TACC3: variants seen among roughly 807,000 people sequenced by gnomAD.
The protein encoded by TACC3 is transforming acidic coiled-coil-containing protein 3.
TACC3 carries 52 observed loss-of-function variants against 86.0 expected under a neutral mutation model. That is an observed-to-expected ratio of 0.60 (90% CI 0.48 to 0.76). TACC3 has a LOEUF of 0.76. Ranked by LOEUF, TACC3 falls within the 30% of genes least tolerant of loss-of-function variation. The probability of loss-of-function intolerance (pLI) is 0.00; values close to 1 mark genes in which losing one functional copy is unlikely to be tolerated. For synonymous variants in TACC3, 512 were observed against 430.0 expected, an observed-to-expected ratio of 1.19 and a Z score of -2.36; for missense variants, 1,120 against 1,070.4, an observed-to-expected ratio of 1.05 and a Z score of -0.65.
rs114300145 is a variant in TACC3 at position 1,732,694 on chromosome 4, C to T, written c.1591+1393C>T. Among the ~76,000 whole-genome samples the T allele has an allele frequency of 7.0e-3, 1,064 of 152,322 alleles. 11 individuals are homozygous for T. The highest frequency in any genetic ancestry group is 0.023 in the African/African-American group (971 of 41,554). ...AGCTGGGATGGGCCTGTCACCCTCA[C>T]GCAGGATCCCTGGAATCACACAGCA... On this transcript the variant is annotated intron_variant, in intron 6 of 15. Transcript: ENST00000313288.
In TACC3 at chr4:1,728,072, T is replaced by C. The variant is rs752880541; in HGVS notation, c.670T>C (p.Cys224Arg). Residue 224 changes from cysteine (C) to arginine (R), a missense_variant, in exon 4 of 16, where the codon TGC becomes CGC. By Grantham distance (180) the Cys-to-Arg change is radical (BLOSUM62 -3). Coordinates refer to ENST00000313288, the MANE Select transcript of TACC3 (RefSeq NM_006342.3). ...GACTCCGCACGGAGCCGAGGAAGAA[T>C]GCAAAGCGGAGACTCCGCACGGAGC... ...AETPHGAEEE[C>R]KAETPHGAEE... 2 of 1,542,184 alleles carry C rather than the reference T, an allele frequency of 1.3e-6. No homozygotes were observed. The highest frequency in any genetic ancestry group is 3.0e-5 in the African/African-American group (2 of 66,610).
intron 3 of TACC3, among the ~76,000 whole-genome samples, chr4:1,727,264 C>T (rs1016421416): frequency 6.6e-6 from 1 of 152,166 alleles, no homozygotes; most frequent in Admixed American, 6.5e-5. Flanking sequence ...CCACATCTGA[C>T]CCCCCAGGCA....
rs1560322554 is a variant in TACC3 at position 1,740,013 on chromosome 4, GGGCCACCGA to G, written c.2062+18_2062+26del. ...TGTACCAGGCCATGGGTGAGTGCCC[GGGCCACCGA>G]GGCCACGTGCCTCCACGAGGGGCTG... is the stretch of plus-strand genomic sequence containing the variant. On this transcript the variant is annotated intron_variant, in intron 12 of 15. Coordinates refer to ENST00000313288, the MANE Select transcript of TACC3 (RefSeq NM_006342.3). 1 of 1,612,080 alleles carries G rather than the reference GGGCCACCGA, an allele frequency of 6.2e-7. No individual in the cohort carries two copies. The highest frequency in any genetic ancestry group is 8.5e-7 in the Non-Finnish European group (1 of 1,179,398).
intron 4 of TACC3, chr4:1,730,305 G>A (rs1717938341): frequency 1.5e-5 from 3 of 198,428 alleles, no homozygotes; most frequent in Admixed American, 1.1e-4. Context: ...CCAAAGTGCT[G>A]GGATTACATG....
intron 3 of TACC3, 47 bp from the exon 4 acceptor site, chr4:1,727,661 C>T: frequency 2.6e-6 from 4 of 1,536,140 alleles, no homozygotes; most frequent in Non-Finnish European, 3.5e-6. Context: ...GGCCCCTAAC[C>T]TCACCAGGTA....
At chr4:1,737,127 G>C in intron 8 of TACC3, 114 bp from the exon 9 acceptor site, 1 of 811,282 alleles carries the variant, frequency 1.2e-6, no homozygotes, top group Non-Finnish European at 2.1e-6. Flanking sequence ...ACCCTGACTT[G>C]AGTGGTTTTA....
chr4:1,725,993 G>A (rs183619323), intron 3 of TACC3, among the ~76,000 whole-genome samples: 1 of 152,332 alleles, frequency 6.6e-6, no homozygotes, highest in Non-Finnish European at 1.5e-5. Context: ...GGAAGAGAAG[G>A]GCAGGTGACA....
At chr4:1,727,630 T>C in intron 3 of TACC3, 78 bp from the exon 4 acceptor site, 1 of 1,519,762 alleles carries the variant, frequency 6.6e-7, no homozygotes, top group Non-Finnish European at 8.8e-7. Context: ...ATGTTAAACC[T>C]ATGTTGAGAA....
intron 13 of TACC3, 71 bp downstream of exon 13, chr4:1,741,057 C>T (rs562897709): frequency 1.2e-5 from 18 of 1,462,660 alleles, no homozygotes; most frequent in South Asian, 1.2e-4. Context: ...AGCGGGGCTA[C>T]AAGCTGCTGT....
chr4:1,733,538 A>G (rs1329678691), intron 6 of TACC3, among the ~76,000 whole-genome samples: 1 of 152,022 alleles, frequency 6.6e-6, no homozygotes, highest in African/African-American at 2.4e-5. Flanking sequence ...GTACACCTAT[A>G]GTCCCAGCTG....
chr4:1,740,621 G>A, intron 12 of TACC3: 1 of 540,522 alleles, frequency 1.9e-6, no homozygotes, highest in Non-Finnish European at 3.3e-6. Flanking sequence ...CTGCGGATCT[G>A]ATGTGGAGGA....
At chr4:1,727,578 A>C in intron 3 of TACC3, 130 bp from the exon 4 acceptor site, 1 of 1,436,998 alleles carries the variant, frequency 7.0e-7, no homozygotes, top group Non-Finnish European at 9.4e-7. Flanking sequence ...GGAGAACGGG[A>C]AGCCGTGCCA....
At chr4:1,733,170 G>A (rs2108698843) in intron 6 of TACC3, among the ~76,000 whole-genome samples, 1 of 152,296 alleles carries the variant, frequency 6.6e-6, no homozygotes, top group African/African-American at 2.4e-5. Context: ...CAGTTCCCAG[G>A]TGGCTCATGA....
chr4:1,733,135 C>T (rs1001709031), intron 6 of TACC3, among the ~76,000 whole-genome samples: 1 of 152,070 alleles, frequency 6.6e-6, no homozygotes, highest in African/African-American at 2.4e-5. Flanking sequence ...GGGTGGGAAG[C>T]GGATCTGGTT....
At chr4:1,738,977 A>G (rs1718425275) in intron 10 of TACC3, among the ~76,000 whole-genome samples, 1 of 152,202 alleles carries the variant, frequency 6.6e-6, no homozygotes, top group Admixed American at 6.5e-5. Flanking sequence ...ACTAGAAGCA[A>G]GGGGCGAAGA....
chr4:1,738,187 C>T (rs1382908275), intron 10 of TACC3: 1 of 303,794 alleles, frequency 3.3e-6, no homozygotes, highest in Non-Finnish European at 6.5e-6. Flanking sequence ...TAAATTGTCC[C>T]TAAGAGAGCT....
Position 1,723,875 on chromosome 4 carries a change from G to A in TACC3, c.305+5G>A. The A allele has an allele frequency of 6.2e-7, 1 of 1,613,028 alleles. No individual in the cohort carries two copies. The highest frequency in any genetic ancestry group is 8.5e-7 in the Non-Finnish European group (1 of 1,179,840). On this transcript the variant is annotated splice_donor_5th_base_variant and intron_variant, in intron 3 of 15. Coordinates refer to ENST00000313288, the MANE Select transcript of TACC3 (RefSeq NM_006342.3). ...GGTCTGGACACAGAAAGAGAAGTAA[G>A]TGTTGGTGCTGCTGGACATGCTGGA... is the stretch of plus-strand genomic sequence containing the variant.
At chr4:1,734,137 T>C (rs982952961) in intron 6 of TACC3, among the ~76,000 whole-genome samples, 3 of 152,318 alleles carry the variant, frequency 2.0e-5, no homozygotes, top group Admixed American at 2.0e-4. Context: ...AAACTAGAGA[T>C]GCCTCAGCCT....
At chr4:1,724,747 T>G (rs1717601731) in intron 3 of TACC3, among the ~76,000 whole-genome samples, 2 of 151,164 alleles carry the variant, frequency 1.3e-5, no homozygotes, top group Admixed American at 6.6e-5. Flanking sequence ...TCTGTTGGTT[T>G]TTTGCTGATG....
Sources: allele counts gnomAD v4.1 joint callset (sites outside exome capture counted in the v4.1 genomes callset), GRCh38; gene constraint gnomAD v4.1.1; transcripts MANE v1.5; gene names NCBI Gene and HGNC (gene_info 2026-07-23, HGNC 2026-07-21).